Variants in AGO3 observed in about 807,000 individuals in gnomAD.
AGO3 encodes the protein protein argonaute-3.
AGO3 carries 16 observed loss-of-function variants against 105.5 expected under a neutral mutation model. That is an observed-to-expected ratio of 0.15 (90% confidence interval 0.10 to 0.23). The LOEUF is 0.23. Ranked by LOEUF, AGO3 falls within the 10% of genes least tolerant of loss-of-function variation. The pLI is 1.00. For missense variants in AGO3, 534 were observed against 1,088.0 expected (o/e 0.49, Z 7.16); for synonymous variants, 340 against 367.3 (o/e 0.93, Z 0.85).
chr1:36,043,947 C>G (rs550335714), intron 17 of AGO3, among the ~76,000 whole-genome samples: 1 of 152,296 alleles, frequency 6.6e-6, no homozygotes, highest in South Asian at 2.1e-4. Flanking sequence ...GTCCTCCCAC[C>G]TCAGCCTCCC....
chr1:35,982,414 C>T lies in AGO3; in HGVS notation c.658+8903C>T, dbSNP rs575606347. On this transcript the variant is annotated intron_variant, in intron 5 of 18. Transcript: ENST00000373191. Reference sequence around the variant, plus strand: ...AGAGAGAATTTAAAACTTGAAATGCCGATTTTAAAAGAAAAAAGCATCAGT... The same window carrying T: ...AGAGAGAATTTAAAACTTGAAATGCTGATTTTAAAAGAAAAAAGCATCAGT... Among the ~76,000 whole-genome samples the T allele has an allele frequency of 3.3e-5, 5 of 151,888 alleles. No homozygotes were observed. The South Asian group carries it at 6.2e-4, about 19-fold the overall frequency.
At chr1:35,978,858 T>G (rs946869925) in intron 5 of AGO3, among the ~76,000 whole-genome samples, 5 of 152,230 alleles carry the variant, frequency 3.3e-5, no homozygotes, top group African/African-American at 1.2e-4. Context: ...GATCACTGTT[T>G]TAGCCGTATT....
intron 12 of AGO3, among the ~76,000 whole-genome samples, chr1:36,032,569 G>A (rs1641828091): frequency 6.6e-6 from 1 of 152,086 alleles, no homozygotes; most frequent in South Asian, 2.1e-4. Flanking sequence ...AATTTGGCAG[G>A]GATGGGGTCT....
chr1:35,980,021 AGT>A (rs1335303702), intron 5 of AGO3, among the ~76,000 whole-genome samples: 1 of 151,980 alleles, frequency 6.6e-6, no homozygotes, highest in Non-Finnish European at 1.5e-5. Flanking sequence ...TGAAACTTTG[AGT>A]GTTGTGTTTT....
chr1:35,984,735 AAG>A (rs1323689371), intron 5 of AGO3, among the ~76,000 whole-genome samples: 2 of 152,194 alleles, frequency 1.3e-5, no homozygotes, highest in Non-Finnish European at 2.9e-5. Context: ...ATATTAAACA[AAG>A]AATGAATAAA....
At chr1:36,033,735 G>T (rs553395153) in intron 12 of AGO3, among the ~76,000 whole-genome samples, 2 of 152,018 alleles carry the variant, frequency 1.3e-5, no homozygotes, top group South Asian at 2.1e-4. Context: ...TGTTCTTTGC[G>T]CTATAATACC....
intron 11 of AGO3, among the ~76,000 whole-genome samples, chr1:36,019,606 A>G (rs1357250674): frequency 1.3e-5 from 2 of 152,190 alleles, no homozygotes; most frequent in African/African-American, 4.8e-5. Context: ...GAAAATCACA[A>G]TTGAATGAAA....
In AGO3 at chr1:35,931,454, G is replaced by C; in HGVS notation, c.19+9G>C. The C allele has an allele frequency of 6.6e-7, 1 of 1,512,916 alleles. No individual in the cohort carries two copies. The highest frequency in any genetic ancestry group is 1.3e-5 in the South Asian group (1 of 78,270). The allele number at this position is 1,512,916 out of a possible 1,614,324, so 93.7% of individuals were successfully genotyped here. ...GGAAATCGGCTCCGCAGGTGAGTCA[G>C]AGTAGCTGGGCCAGGTAGGGGATGT... is the stretch of plus-strand genomic sequence containing the variant. On this transcript the variant is annotated intron_variant, in intron 1 of 18. Coordinates refer to ENST00000373191, the MANE Select transcript of AGO3 (RefSeq NM_024852.4).
At position 36,027,344 on chromosome 1, in the gene AGO3, C is replaced by A; in HGVS notation, c.1591+46C>A. On this transcript the variant is annotated intron_variant, in intron 12 of 18. Transcript: ENST00000373191. The surrounding 1 kb of genome is among the most constrained non-coding windows in gnomAD (Gnocchi z 4.0). ...CATTTTTCCTCAAGTACTTGATGTC[C>A]TTTTAGGATTATACTGAAACATATC... 4.7e-6 allele frequency: 7 copies of A among 1,500,260 alleles called. No homozygotes were observed. The highest frequency in any genetic ancestry group is 1.3e-5 in the South Asian group (1 of 76,714). 92.9% of individuals were successfully genotyped at this position (1,500,260 alleles called of 1,614,324 possible). A position where few individuals can be genotyped will look rare whatever the true frequency, so the allele number is the denominator to read the frequency against.
intron 9 of AGO3, among the ~76,000 whole-genome samples, chr1:36,012,505 A>T (rs1232969511): frequency 6.6e-6 from 1 of 152,118 alleles, no homozygotes; most frequent in Non-Finnish European, 1.5e-5. Context: ...TGTGACTCAT[A>T]CTGGCTTTCT....
At chr1:36,013,497 T>G (rs1161091685) in intron 9 of AGO3, 133 bp from the exon 10 acceptor site, 4 of 1,182,560 alleles carry the variant, frequency 3.4e-6, no homozygotes, top group Non-Finnish European at 4.7e-6. Context: ...GTTCTGTAGT[T>G]AGAGCACCAT....
chr1:35,953,735 CCT>C (rs1646515087), intron 2 of AGO3, among the ~76,000 whole-genome samples: 1 of 152,122 alleles, frequency 6.6e-6, no homozygotes, highest in Admixed American at 6.6e-5. Context: ...TGGTCTCGAA[CCT>C]CTGACCTCAG....
At position 36,010,024 on chromosome 1, in the gene AGO3, T is replaced by C. The variant is rs545526458; in HGVS notation, c.1149+430T>C. Among the ~76,000 whole-genome samples the C allele has an allele frequency of 1.2e-3, 178 of 144,546 alleles. 2 individuals carry two copies. The highest frequency in any genetic ancestry group is 0.01 in the Admixed American group (141 of 13,786). 94.8% of individuals were successfully genotyped at this position (144,546 alleles called of 152,430 possible). On this transcript the variant is annotated intron_variant, in intron 9 of 18. Coordinates refer to ENST00000373191, the MANE Select transcript of AGO3 (RefSeq NM_024852.4). ...CACGATCTTGGCTCACTGCAAGCTC[T>C]GCCTCCCAGGTTCACACCATTCTCC...
At chr1:35,944,119 A>G (rs901566742) in intron 1 of AGO3, among the ~76,000 whole-genome samples, 13 of 152,318 alleles carry the variant, frequency 8.5e-5, no homozygotes, top group African/African-American at 2.9e-4. Context: ...TAGAATTGCT[A>G]GATCACATGG....
At chr1:36,021,240 T>G (rs1287949282) in intron 11 of AGO3, among the ~76,000 whole-genome samples, 2 of 152,146 alleles carry the variant, frequency 1.3e-5, no homozygotes, top group African/African-American at 2.4e-5. Context: ...CCGCCATTAC[T>G]TTGAACAGCA....
At chr1:36,002,492 G>T (rs1457303471) in intron 5 of AGO3, among the ~76,000 whole-genome samples, 1 of 151,044 alleles carries the variant, frequency 6.6e-6, no homozygotes, top group East Asian at 2.0e-4. Flanking sequence ...ACCACGCCTG[G>T]CTAATTTTTT....
At chr1:36,001,456 T>C (rs1640079731) in intron 5 of AGO3, among the ~76,000 whole-genome samples, 1 of 152,202 alleles carries the variant, frequency 6.6e-6, no homozygotes, top group African/African-American at 2.4e-5. Context: ...AGGAATGATA[T>C]AGTTTCATAT....
At chr1:35,943,628 G>A (rs1646299797) in intron 1 of AGO3, among the ~76,000 whole-genome samples, 1 of 137,132 alleles carries the variant, frequency 7.3e-6, no homozygotes, top group African/African-American at 2.8e-5. Context: ...TTAAGTAAAA[G>A]GGTCTCGCGC....
At chr1:35,968,947 C>T (rs1013590025) in intron 3 of AGO3, among the ~76,000 whole-genome samples, 11 of 151,518 alleles carry the variant, frequency 7.3e-5, no homozygotes, top group Admixed American at 2.6e-4. Context: ...TCCTAATGGG[C>T]GTGAGATGAT....
Sources: allele counts gnomAD v4.1 joint callset (sites outside exome capture counted in the v4.1 genomes callset), GRCh38; gene constraint gnomAD v4.1.1; non-coding constraint Gnocchi (gnomAD v3.1); transcripts MANE v1.5; gene names NCBI Gene and HGNC (gene_info 2026-07-23, HGNC 2026-07-21).